The following PLCL1 variants were observed in gnomAD, a reference collection of about 807,000 sequenced individuals.
PLCL1 encodes the protein phospholipase C like 1 (inactive).
In PLCL1, 41 loss-of-function variants were observed where a neutral mutation model predicts 84.4. The observed-to-expected ratio is 0.49, with a 90% CI of 0.38 to 0.63. The LOEUF (loss-of-function observed/expected upper bound fraction) is 0.63. PLCL1 is among the 30% of genes least tolerant of loss of function. The pLI, the probability that PLCL1 is intolerant of heterozygous loss-of-function variation, is 0.00. For missense variants in PLCL1, 1,206 were observed against 1,367.8 expected (o/e 0.88, Z 1.87); for synonymous variants, 490 against 488.3 (o/e 1.00, Z -0.05).
chr2:197,968,207 G>A (rs137984519), intron 1 of PLCL1, among the ~76,000 whole-genome samples: 4 of 152,180 alleles, frequency 2.6e-5, no homozygotes, highest in African/African-American at 9.6e-5. Flanking sequence ...GCTGTTTTCT[G>A]TTATTTTCTT....
intron 1 of PLCL1, among the ~76,000 whole-genome samples, chr2:197,845,394 A>G (rs1687100651): frequency 6.6e-6 from 1 of 152,150 alleles, no homozygotes; most frequent in Admixed American, 6.6e-5. Flanking sequence ...AGACTTTGGA[A>G]GTAGGAGAAA....
intron 1 of PLCL1, among the ~76,000 whole-genome samples, chr2:197,844,994 T>C (rs1263754991): frequency 6.6e-6 from 1 of 152,126 alleles, no homozygotes; most frequent in East Asian, 1.9e-4. Flanking sequence ...TTATATATAT[T>C]AGTATCTTAT....
intron 1 of PLCL1, among the ~76,000 whole-genome samples, chr2:197,834,850 G>GT (rs1219603797): frequency 1.3e-5 from 2 of 152,148 alleles, no homozygotes; most frequent in Non-Finnish European, 1.5e-5. Context: ...ACATGCACAC[G>GT]TATGTTTATT....
At position 197,957,657 on chromosome 2, in the gene PLCL1, G is replaced by A. The variant is rs368753742; in HGVS notation, c.241-126101G>A. ...TCTACAGGGAACAGCCTCCCGACTC[G>A]GAGCCTATTGGCCTCTGCTCAACCA... On this transcript the variant is annotated intron_variant, in intron 1 of 5. Transcript: ENST00000428675. Among the ~76,000 whole-genome samples the A allele has an allele frequency of 8.6e-5, 13 of 152,008 alleles. No individual in the cohort carries two copies. The South Asian group carries it at 1.0e-3, about 12-fold the overall frequency.
intron 1 of PLCL1, among the ~76,000 whole-genome samples, chr2:198,082,027 A>G (rs1053860906): frequency 7.9e-5 from 12 of 152,218 alleles, no homozygotes; most frequent in African/African-American, 2.9e-4. Flanking sequence ...GAATGAATTA[A>G]CTTCTATATA....
In PLCL1 at chr2:197,973,989, G is replaced by A. The variant is rs531179760; in HGVS notation, c.241-109769G>A. Reference sequence around the variant, plus strand: ...GATGGTGACTCAGACAAGGTTAGTGGCAGTGGAGAAGGAGAGAAGTGTCAT... The same window carrying A: ...GATGGTGACTCAGACAAGGTTAGTGACAGTGGAGAAGGAGAGAAGTGTCAT... On this transcript the variant is annotated intron_variant, in intron 1 of 5. Transcript: ENST00000428675. 3.3e-5 allele frequency among the ~76,000 whole-genome samples: 5 copies of A among 152,308 alleles called. No individual in the cohort carries two copies. The South Asian group carries it at 1.0e-3, about 32-fold the overall frequency.
chr2:197,962,877 C>T (rs1276942432), intron 1 of PLCL1, among the ~76,000 whole-genome samples: 1 of 152,038 alleles, frequency 6.6e-6, no homozygotes, highest in South Asian at 2.1e-4. Flanking sequence ...CCCTCCAGTT[C>T]TGCCTATGTT....
intron 1 of PLCL1, among the ~76,000 whole-genome samples, chr2:197,861,395 C>T (rs1687431895): frequency 6.6e-6 from 1 of 152,122 alleles, no homozygotes; most frequent in Admixed American, 6.6e-5. Flanking sequence ...CCATACATTG[C>T]CCTATCCATC....
chr2:197,890,684 A>G (rs868628775), intron 1 of PLCL1, among the ~76,000 whole-genome samples: 5 of 101,358 alleles, frequency 4.9e-5, no homozygotes, highest in African/African-American at 1.6e-4. Flanking sequence ...TTTTTTTGCT[A>G]TATATATATA....
chr2:197,946,956 AGAG>A lies in PLCL1; in HGVS notation c.241-136798_241-136796del, dbSNP rs367557799. ...CATCTTCCTCAGGGGCCCCCACTCT[AGAG>A]GAGAACAAAATAAAGCAAATCCTTA... On this transcript the variant is annotated intron_variant, in intron 1 of 5. Transcript: ENST00000428675. Among the ~76,000 whole-genome samples the A allele has an allele frequency of 1.3e-3, 196 of 152,182 alleles. 1 individual carries two copies. The highest frequency in any genetic ancestry group is 4.4e-3 in the African/African-American group (181 of 41,542).
intron 1 of PLCL1, among the ~76,000 whole-genome samples, chr2:197,913,376 C>A (rs1688528578): frequency 6.6e-6 from 1 of 152,154 alleles, no homozygotes; most frequent in Non-Finnish European, 1.5e-5. Flanking sequence ...GCCTTTTTAG[C>A]ATAAAATGCA....
intron 5 of PLCL1, among the ~76,000 whole-genome samples, chr2:198,145,491 G>C (rs1694497297): frequency 6.6e-6 from 1 of 152,124 alleles, no homozygotes; most frequent in Non-Finnish European, 1.5e-5. Context: ...ACCTCATCAG[G>C]CTCAGCTTCA....
intron 1 of PLCL1, among the ~76,000 whole-genome samples, chr2:197,839,344 C>G (rs1203708716): frequency 1.3e-5 from 2 of 152,316 alleles, no homozygotes; most frequent in East Asian, 1.9e-4. Context: ...GCATGGAAGA[C>G]TATTTTTCCA....
At chr2:198,006,501 G>T (rs772258982) in intron 1 of PLCL1, among the ~76,000 whole-genome samples, 4 of 152,162 alleles carry the variant, frequency 2.6e-5, no homozygotes, top group Admixed American at 2.6e-4. Context: ...CTCTGGAGGC[G>T]TGTTGCCTCA....
Position 197,934,322 on chromosome 2 carries a change from G to A in PLCL1, c.240+128983G>A, listed in dbSNP as rs535357260. ...ATATAATATGATAAAATACCTAATGGATCCCTGAATCCACTTTCATTGAGT... is the reference window on the plus strand; with the variant it reads ...ATATAATATGATAAAATACCTAATGAATCCCTGAATCCACTTTCATTGAGT... On this transcript the variant is annotated intron_variant, in intron 1 of 5. Transcript: ENST00000428675. 2.7e-4 allele frequency among the ~76,000 whole-genome samples: 41 copies of A among 152,216 alleles called. No individual in the cohort carries two copies. The South Asian group carries it at 8.1e-3, about 30-fold the overall frequency.
intron 5 of PLCL1, among the ~76,000 whole-genome samples, chr2:198,106,214 G>T (rs1332400624): frequency 6.6e-6 from 1 of 151,874 alleles, no homozygotes; most frequent in Non-Finnish European, 1.5e-5. Context: ...AGGCAGTCTG[G>T]CTCCAGACCC....
intron 1 of PLCL1, among the ~76,000 whole-genome samples, chr2:197,970,736 G>A (rs77359913): frequency 0.022 from 3,422 of 152,244 alleles, 154 homozygotes; most frequent in African/African-American, 0.077. Flanking sequence ...AGTTGTATCC[G>A]TTTTACCTTT....
At chr2:197,874,190 A>G (rs1687696399) in intron 1 of PLCL1, among the ~76,000 whole-genome samples, 2 of 152,170 alleles carry the variant, frequency 1.3e-5, no homozygotes, top group South Asian at 4.1e-4. Flanking sequence ...TGCAGTCACA[A>G]GTCCTTTCTG....
intron 3 of PLCL1, among the ~76,000 whole-genome samples, chr2:198,092,538 A>G (rs1044711330): frequency 2.0e-5 from 3 of 152,146 alleles, no homozygotes; most frequent in Admixed American, 6.5e-5. Flanking sequence ...TGTACCACCG[A>G]CACCACCTCT....
Sources: gnomAD v4.1 joint callset for allele counts (sites outside exome capture counted in the v4.1 genomes callset) on GRCh38, gnomAD v4.1.1 for gene constraint, MANE v1.5 for transcripts, NCBI Gene and HGNC (gene_info 2026-07-23, HGNC 2026-07-21) for gene names.